The following DTWD2 variants were observed in gnomAD, a reference collection of about 807,000 sequenced individuals.
The protein encoded by DTWD2 is DTW motif tRNA-uridine aminocarboxypropyltransferase 2, also known as tRNA-uridine aminocarboxypropyltransferase 2.
In DTWD2, 39 loss-of-function variants were observed where a neutral mutation model predicts 31.8. The ratio of observed to expected loss-of-function variants is 1.22; its 90% confidence interval spans 0.95 to 1.60. The LOEUF (loss-of-function observed/expected upper bound fraction) is 1.60. DTWD2 is among the 40% of genes most tolerant of loss of function. DTWD2 has a pLI of 0.00. For synonymous variants in DTWD2, 180 were observed against 142.8 expected (o/e 1.26, Z -1.86); for missense variants, 515 against 381.5 (o/e 1.35, Z -2.92).
chr5:118,983,417 G>C (rs1319349324), intron 1 of DTWD2, among the ~76,000 whole-genome samples: 2 of 152,146 alleles, frequency 1.3e-5, no homozygotes, highest in East Asian at 1.9e-4. Flanking sequence ...ATAAAACACA[G>C]TTCAAAGCAA....
chr5:118,983,084 C>A (rs1308339812), intron 1 of DTWD2, among the ~76,000 whole-genome samples: 1 of 152,126 alleles, frequency 6.6e-6, no homozygotes, highest in African/African-American at 2.4e-5. Flanking sequence ...ACTTTTCCCA[C>A]CAAATTTGAA....
chr5:118,955,546 T>C (rs1049279545), intron 1 of DTWD2, among the ~76,000 whole-genome samples: 1 of 152,236 alleles, frequency 6.6e-6, no homozygotes, highest in Non-Finnish European at 1.5e-5. Flanking sequence ...ACTGCATACC[T>C]AAGTGCCAGA....
At chr5:118,920,042 G>C (rs1753666439) in intron 4 of DTWD2, among the ~76,000 whole-genome samples, 1 of 151,542 alleles carries the variant, frequency 6.6e-6, no homozygotes, top group African/African-American at 2.4e-5. Context: ...TAACATGCTT[G>C]AACCATCCCA....
chr5:118,937,142 T>C (rs74517851), intron 3 of DTWD2, among the ~76,000 whole-genome samples: 3,139 of 152,112 alleles, frequency 0.021, 113 homozygotes, highest in African/African-American at 0.071. Flanking sequence ...ATCTTAGAAA[T>C]AGAAGGGTTT....
At chr5:118,884,822 C>G in intron 4 of DTWD2, among the ~76,000 whole-genome samples, 1 of 151,400 alleles carries the variant, frequency 6.6e-6, no homozygotes, top group Middle Eastern at 3.4e-3. Flanking sequence ...CTGGCTAACA[C>G]GGTGAAACCC....
At chr5:118,925,691 A>G (rs1476131578) in intron 4 of DTWD2, among the ~76,000 whole-genome samples, 1 of 151,944 alleles carries the variant, frequency 6.6e-6, no homozygotes, top group Admixed American at 6.6e-5. Context: ...TAAAAATACA[A>G]AAAATTAGCC....
intron 4 of DTWD2, among the ~76,000 whole-genome samples, chr5:118,855,982 C>A (rs912092986): frequency 4.6e-5 from 7 of 151,976 alleles, no homozygotes; most frequent in Admixed American, 2.0e-4. Flanking sequence ...AAACTGACAT[C>A]CTTGAATCTT....
Position 118,947,094 on chromosome 5 carries a change from C to T in DTWD2, c.219-2445G>A, listed in dbSNP as rs902235960. Among the ~76,000 whole-genome samples the T allele has an allele frequency of 3.3e-5, 5 of 152,244 alleles. No individual in the cohort carries two copies. In the East Asian group the frequency reaches 7.7e-4, roughly 24 times the overall value. ...CACTTACTCAGCCCACAGCTCTCAA[C>T]GCCTGGTGGGACGGGGAGCAGCAGG... On this transcript the variant is annotated intron_variant, in intron 1 of 5. Coordinates refer to ENST00000510708, the MANE Select transcript of DTWD2 (RefSeq NM_173666.4).
At position 118,985,525 on chromosome 5, in the gene DTWD2, C is replaced by CAG. The variant is rs1274432120; in HGVS notation, c.218+2768_218+2769insCT. On this transcript the variant is annotated intron_variant, in intron 1 of 5. Transcript: ENST00000510708. Reference sequence around the variant, plus strand: ...ATATATATATATATATATACACACACATATATACATACATATACACACGTA... The same window carrying CAG: ...ATATATATATATATATATACACACACAGATATATACATACATATACACACGTA... Among the ~76,000 whole-genome samples, 91 of 61,870 alleles carry CAG rather than the reference C, an allele frequency of 1.5e-3. 1 individual carries two copies. The highest frequency in any genetic ancestry group is 3.1e-3 in the African/African-American group (91 of 29,032). 40.6% of individuals were successfully genotyped at this position (61,870 alleles called of 152,430 possible).
chr5:118,888,459 A>G (rs1027522077), intron 4 of DTWD2, among the ~76,000 whole-genome samples: 2 of 152,230 alleles, frequency 1.3e-5, no homozygotes, highest in Non-Finnish European at 2.9e-5. Flanking sequence ...ACTACTTAGT[A>G]GTTTTTCATT....
In DTWD2 at chr5:118,850,240, G is replaced by A. The variant is rs2112678228; in HGVS notation, c.598-2022C>T. On this transcript the variant is annotated intron_variant, in intron 4 of 5. Coordinates refer to ENST00000510708, the MANE Select transcript of DTWD2 (RefSeq NM_173666.4). Reference sequence around the variant, plus strand: ...GCACTTTGGGAGGCCGAGGCTGGCAGATCACTTGAGGCCAGGAGTTTGAGA... The same window carrying A: ...GCACTTTGGGAGGCCGAGGCTGGCAAATCACTTGAGGCCAGGAGTTTGAGA... Among the ~76,000 whole-genome samples, 3 of 144,710 alleles carry A rather than the reference G, an allele frequency of 2.1e-5. No individual in the cohort carries two copies. The East Asian group carries it at 6.1e-4, about 30-fold the overall frequency. The allele number at this position is 144,710 out of a possible 152,430, so 94.9% of individuals were successfully genotyped here. A position where few individuals can be genotyped will look rare whatever the true frequency, so the allele number is the denominator to read the frequency against.
intron 2 of DTWD2, among the ~76,000 whole-genome samples, chr5:118,940,549 A>G (rs1410096248): frequency 2.0e-5 from 3 of 152,092 alleles, no homozygotes; most frequent in African/African-American, 4.8e-5. Context: ...TTGTTTTTCT[A>G]TTTCTTGATT....
chr5:118,950,590 C>T (rs958968990), intron 1 of DTWD2, among the ~76,000 whole-genome samples: 1 of 152,164 alleles, frequency 6.6e-6, no homozygotes, highest in Non-Finnish European at 1.5e-5. Context: ...AGTGGGGTCC[C>T]GCACAGATGG....
chr5:118,854,674 T>C (rs1418135121), intron 4 of DTWD2, among the ~76,000 whole-genome samples: 4 of 152,144 alleles, frequency 2.6e-5, no homozygotes, highest in African/African-American at 7.2e-5. Context: ...TGGAGATTTA[T>C]TCTCCCACAA....
chr5:118,900,072 G>C (rs144672922), intron 4 of DTWD2, among the ~76,000 whole-genome samples: 2,691 of 152,214 alleles, frequency 0.018, 82 homozygotes, highest in African/African-American at 0.062. Context: ...CTCCCAAAGT[G>C]CTGGGATTAC....
At chr5:118,965,751 G>C (rs1361893436) in intron 1 of DTWD2, among the ~76,000 whole-genome samples, 2 of 152,062 alleles carry the variant, frequency 1.3e-5, no homozygotes, top group African/African-American at 2.4e-5. Context: ...TGCTCGTTAA[G>C]AGTCATCACC....
chr5:118,934,423 A>C (rs1229552439), intron 3 of DTWD2, among the ~76,000 whole-genome samples: 1 of 150,566 alleles, frequency 6.6e-6, no homozygotes, highest in African/African-American at 2.5e-5. Context: ...CATGAAAACA[A>C]TAACACAAAA....
intron 1 of DTWD2, among the ~76,000 whole-genome samples, chr5:118,967,633 T>A (rs529486165): frequency 3.9e-5 from 6 of 152,252 alleles, no homozygotes; most frequent in Admixed American, 2.0e-4. Context: ...AAAAATAGTA[T>A]TGGATTATAA....
At chr5:118,973,045 A>C (rs1256928707) in intron 1 of DTWD2, among the ~76,000 whole-genome samples, 1 of 148,874 alleles carries the variant, frequency 6.7e-6, no homozygotes, top group Admixed American at 6.7e-5. Flanking sequence ...AGAAACTTAC[A>C]GTCTGTTTTA....
Sources: allele counts gnomAD v4.1 joint callset (sites outside exome capture counted in the v4.1 genomes callset), GRCh38; gene constraint gnomAD v4.1.1; transcripts MANE v1.5; gene names NCBI Gene and HGNC (gene_info 2026-07-23, HGNC 2026-07-21).